Variants in AGAP1 observed in about 807,000 individuals in gnomAD.
AGAP1 encodes ArfGAP with GTPase domain, ankyrin repeat and PH domain 1.
In AGAP1, 29 loss-of-function variants were observed where a neutral mutation model predicts 105.3. The observed-to-expected ratio is 0.28, with a 90% CI of 0.21 to 0.38. AGAP1 has a LOEUF of 0.38. Ranked by LOEUF, AGAP1 falls within the 10% of genes least tolerant of loss-of-function variation. The pLI, the probability that AGAP1 is intolerant of heterozygous loss-of-function variation, is 1.00. For synonymous variants in AGAP1, 509 were observed against 485.9 expected, an observed-to-expected ratio of 1.05 and a Z score of -0.63; for missense variants, 998 against 1,165.1, an observed-to-expected ratio of 0.86 and a Z score of 2.09.
chr2:236,082,402 T>C lies in AGAP1; in HGVS notation c.2114+33121T>C, dbSNP rs1345196168. Reference sequence around the variant, plus strand: ...GACCAGCAGGGTCATTAATTAGGCATGTGGTGGGAGCTCACCCACCAGGTC... The same window carrying C: ...GACCAGCAGGGTCATTAATTAGGCACGTGGTGGGAGCTCACCCACCAGGTC... On this transcript the variant is annotated intron_variant, in intron 16 of 17. Coordinates refer to ENST00000304032, the MANE Select transcript of AGAP1 (RefSeq NM_001037131.3). This position sits in a 1 kb window ranked among gnomAD's most constrained non-coding sequence, Gnocchi z 4.2. Among the ~76,000 whole-genome samples the C allele has an allele frequency of 6.6e-6, 1 of 152,218 alleles. No individual in the cohort carries two copies. Among genetic ancestry groups the C allele is most frequent in the African/African-American group, 2.4e-5 (1 of 41,454 alleles).
At chr2:235,670,348 G>A (rs1575080015) in intron 1 of AGAP1, 1 of 503,214 alleles carries the variant, frequency 2.0e-6, no homozygotes, top group East Asian at 3.7e-5. Context: ...AGGAACCGGA[G>A]GGTCCCCGGC....
chr2:236,044,833 G>T lies in AGAP1; in HGVS notation c.1891+3992G>T, dbSNP rs765672947. Among the ~76,000 whole-genome samples, 1 of 151,972 alleles carries T rather than the reference G, an allele frequency of 6.6e-6. No homozygotes were observed. The highest frequency in any genetic ancestry group is 1.5e-5 in the Non-Finnish European group (1 of 68,006). ...CTGCCCTGGGGGCTTCCTGGCTCTG[G>T]TGTATCCTAGAATTTTCTTAGCTCT... On this transcript the variant is annotated intron_variant, in intron 15 of 17. Transcript: ENST00000304032. This position sits in a 1 kb window ranked among gnomAD's most constrained non-coding sequence, Gnocchi z 5.7.
Position 235,534,048 on chromosome 2 carries a change from C to G in AGAP1, c.163+39199C>G, listed in dbSNP as rs191929106. Among the ~76,000 whole-genome samples, 105 of 152,340 alleles carry G rather than the reference C, an allele frequency of 6.9e-4. 1 individual carries two copies. The highest frequency in any genetic ancestry group is 1.3e-3 in the Non-Finnish European group (87 of 68,030). ...TTTCTGTAGCACTTGATTGGAGCCT[C>G]CAAACACCGTCGCTGTCGATGCTAC... On this transcript the variant is annotated intron_variant, in intron 1 of 17. Coordinates refer to ENST00000304032, the MANE Select transcript of AGAP1 (RefSeq NM_001037131.3).
Position 235,744,311 on chromosome 2 carries a change from G to C in AGAP1, c.397-387G>C, listed in dbSNP as rs184116658. Reference sequence around the variant, plus strand: ...TAAGAGGTTGAGAGTACAGTGGAAAGCCTTAGGGCTTGAGGGGCTCTGGCA... The same window carrying C: ...TAAGAGGTTGAGAGTACAGTGGAAACCCTTAGGGCTTGAGGGGCTCTGGCA... On this transcript the variant is annotated intron_variant, in intron 4 of 17. Transcript: ENST00000304032. The surrounding 1 kb of genome is among the most constrained non-coding windows in gnomAD (Gnocchi z 5.2). Among the ~76,000 whole-genome samples, 172 of 152,310 alleles carry C rather than the reference G, an allele frequency of 1.1e-3. No individual in the cohort carries two copies. The highest frequency in any genetic ancestry group is 3.5e-3 in the African/African-American group (144 of 41,576).
intron 13 of AGAP1, among the ~76,000 whole-genome samples, chr2:236,031,074 T>C (rs769122682): frequency 1.3e-5 from 2 of 152,218 alleles, no homozygotes; most frequent in African/African-American, 2.4e-5. Context: ...AAATTTGATA[T>C]GAGGACAAAG....
At chr2:236,084,784 G>C (rs2058880545) in intron 16 of AGAP1, among the ~76,000 whole-genome samples, 1 of 151,430 alleles carries the variant, frequency 6.6e-6, no homozygotes, top group African/African-American at 2.4e-5. Flanking sequence ...GGCGCCTGTA[G>C]TCCCAGCTAT....
In AGAP1 at chr2:236,031,705, C is replaced by T. The variant is rs115035908; in HGVS notation, c.1646-4856C>T. 5.3e-3 allele frequency among the ~76,000 whole-genome samples: 814 copies of T among 152,254 alleles called. 4 individuals carry two copies. Among genetic ancestry groups the T allele is most frequent in the African/African-American group, 0.018 (764 of 41,550 alleles). On this transcript the variant is annotated intron_variant, in intron 13 of 17. Transcript: ENST00000304032. ...GTTGTGAGGGGGACAGAATCTTCCA[C>T]TTGCAGGGTCTCCATCATTTTTTTC...
chr2:235,591,636 G>GC (rs1945341907), intron 1 of AGAP1, among the ~76,000 whole-genome samples: 1 of 152,158 alleles, frequency 6.6e-6, no homozygotes, highest in Non-Finnish European at 1.5e-5. Flanking sequence ...TTCGAAATGT[G>GC]ATCCCCAGTG....
Position 236,123,803 on chromosome 2 carries a change from T to C in AGAP1, c.2371-116T>C, listed in dbSNP as rs1309959410. ...GGTCCTGGCACCCCAGCCAGTTGTG[T>C]AGCTGGCCCCGCTGTCCAAGCACAA... is the stretch of plus-strand genomic sequence containing the variant. On this transcript the variant is annotated intron_variant, in intron 17 of 17. Coordinates refer to ENST00000304032, the MANE Select transcript of AGAP1 (RefSeq NM_001037131.3). This position sits in a 1 kb window ranked among gnomAD's most constrained non-coding sequence, Gnocchi z 4.6. The C allele has an allele frequency of 1.5e-6, 2 of 1,290,782 alleles. No individual in the cohort carries two copies. The highest frequency in any genetic ancestry group is 2.9e-5 in the African/African-American group (2 of 68,250). 80.0% of individuals were successfully genotyped at this position (1,290,782 alleles called of 1,614,324 possible).
rs1007709357 is a variant in AGAP1 at position 235,867,687 on chromosome 2, A to G, written c.1051-15658A>G. On this transcript the variant is annotated intron_variant, in intron 9 of 17. Coordinates refer to ENST00000304032, the MANE Select transcript of AGAP1 (RefSeq NM_001037131.3). The surrounding 1 kb of genome is among the most constrained non-coding windows in gnomAD (Gnocchi z 5.4). ...TTATCTGCAGGGTATAGCTTAGCAT[A>G]ATGAGAGGGCAAAAGCAAGATGACT... Among the ~76,000 whole-genome samples, 1 of 152,158 alleles carries G rather than the reference A, an allele frequency of 6.6e-6. No homozygotes were observed. Among genetic ancestry groups the G allele is most frequent in the African/African-American group, 2.4e-5 (1 of 41,430 alleles).
intron 13 of AGAP1, among the ~76,000 whole-genome samples, chr2:236,017,881 A>C (rs183065629): frequency 6.6e-6 from 1 of 152,340 alleles, no homozygotes; most frequent in Admixed American, 6.5e-5. Context: ...TCTGCAGAAC[A>C]AGCTAGCATG....
intron 6 of AGAP1, among the ~76,000 whole-genome samples, chr2:235,764,085 C>T (rs867839586): frequency 2.0e-5 from 3 of 152,066 alleles, no homozygotes; most frequent in African/African-American, 7.2e-5. Flanking sequence ...GTGGCTGTGA[C>T]ATGTGGAGGC....
chr2:235,762,110 C>CA (rs200107455), intron 6 of AGAP1, among the ~76,000 whole-genome samples: 3,156 of 100,796 alleles, frequency 0.031, 36 homozygotes, highest in Middle Eastern at 0.076. Context: ...AACTCCGTCT[C>CA]AAAAAAAAAA....
chr2:235,929,885 T>C (rs74326306), intron 11 of AGAP1, among the ~76,000 whole-genome samples: 23,155 of 152,256 alleles, frequency 0.15, 1,937 homozygotes, highest in South Asian at 0.27. Context: ...GAAAAACTTA[T>C]GTTGAGACAG....
intron 4 of AGAP1, among the ~76,000 whole-genome samples, chr2:235,743,758 T>C (rs1379824463): frequency 6.6e-6 from 1 of 152,210 alleles, no homozygotes; most frequent in Non-Finnish European, 1.5e-5. Context: ...ACAGCTTCTT[T>C]TAGGGAAAGC....
chr2:235,569,862 G>A lies in AGAP1; in HGVS notation c.163+75013G>A, dbSNP rs1175188119. Among the ~76,000 whole-genome samples, 7 of 152,262 alleles carry A rather than the reference G, an allele frequency of 4.6e-5. No individual in the cohort carries two copies. In the South Asian group the frequency reaches 8.3e-4, roughly 18 times the overall value. ...TGAAAGTGGATGCTATTGTTTTTCC[G>A]ATTGCTGGTCTCTTTACTTGTTTAG... is the stretch of plus-strand genomic sequence containing the variant. On this transcript the variant is annotated intron_variant, in intron 1 of 17. Transcript: ENST00000304032. The surrounding 1 kb of genome is among the most constrained non-coding windows in gnomAD (Gnocchi z 5.9).
chr2:236,100,774 G>A (rs2059326548), intron 16 of AGAP1, among the ~76,000 whole-genome samples: 1 of 151,502 alleles, frequency 6.6e-6, no homozygotes, highest in Admixed American at 6.6e-5. Flanking sequence ...AGGCTGCAGT[G>A]AGCCGAGATC....
chr2:235,781,981 A>G (rs1206115168), intron 6 of AGAP1, among the ~76,000 whole-genome samples: 1 of 152,142 alleles, frequency 6.6e-6, no homozygotes, highest in Non-Finnish European at 1.5e-5. Context: ...CCAGTGACAC[A>G]ATGTGGTTCC....
At chr2:235,618,058 T>C (rs1424451551) in intron 1 of AGAP1, among the ~76,000 whole-genome samples, 1 of 152,116 alleles carries the variant, frequency 6.6e-6, no homozygotes, top group Non-Finnish European at 1.5e-5. Flanking sequence ...AAGCTCAGAC[T>C]TGGAAGATCT....
Sources: allele counts gnomAD v4.1 joint callset (sites outside exome capture counted in the v4.1 genomes callset), GRCh38; gene constraint gnomAD v4.1.1; non-coding constraint Gnocchi (gnomAD v3.1); transcripts MANE v1.5; gene names NCBI Gene and HGNC (gene_info 2026-07-23, HGNC 2026-07-21).